ADAMTS17: variants seen among roughly 807,000 people sequenced by gnomAD.
The protein encoded by ADAMTS17 is A disintegrin and metalloproteinase with thrombospondin motifs 17.
In ADAMTS17, 113 loss-of-function variants were observed where a neutral mutation model predicts 141.5. The observed-to-expected ratio is 0.80, with a 90% CI of 0.69 to 0.93. The LOEUF (loss-of-function observed/expected upper bound fraction) is 0.93. Among genes scored for constraint, ADAMTS17 ranks in the 40% least tolerant of loss-of-function variants. The probability of loss-of-function intolerance (pLI) is 0.00; values close to 1 mark genes in which losing one functional copy is unlikely to be tolerated. For missense variants in ADAMTS17, 1,659 were observed against 1,517.9 expected (o/e 1.09, Z -1.54); for synonymous variants, 768 against 630.6 (o/e 1.22, Z -3.27).
intron 7 of ADAMTS17, among the ~76,000 whole-genome samples, chr15:100,249,622 G>A (rs555560313): frequency 5.6e-4 from 86 of 152,288 alleles, no homozygotes; most frequent in African/African-American, 2.0e-3. Context: ...GCTCCCCCAG[G>A]TGCTGCCTGT....
intron 7 of ADAMTS17, among the ~76,000 whole-genome samples, chr15:100,211,418 A>G (rs183887002): frequency 7.9e-5 from 12 of 152,296 alleles, no homozygotes; most frequent in African/African-American, 2.9e-4. Context: ...CTGGGACCAC[A>G]GGTGTCCACA....
chr15:100,232,890 C>A (rs890074771), intron 7 of ADAMTS17, among the ~76,000 whole-genome samples: 1 of 152,238 alleles, frequency 6.6e-6, no homozygotes, highest in African/African-American at 2.4e-5. Flanking sequence ...CCATCTCACA[C>A]TCCACCCCAG....
intron 13 of ADAMTS17, among the ~76,000 whole-genome samples, chr15:100,115,022 T>A (rs899460291): frequency 9.9e-5 from 15 of 152,208 alleles, no homozygotes; most frequent in African/African-American, 1.9e-4. Flanking sequence ...GAGTTGAAAT[T>A]TGAAGAGCGT....
chr15:100,331,642 T>C (rs751106265), intron 2 of ADAMTS17, among the ~76,000 whole-genome samples: 1 of 152,168 alleles, frequency 6.6e-6, no homozygotes, highest in Non-Finnish European at 1.5e-5. Context: ...CACTGATCGA[T>C]GCAGTCAACA....
intron 14 of ADAMTS17, among the ~76,000 whole-genome samples, chr15:100,108,230 G>C (rs1967003): frequency 6.6e-6 from 1 of 151,346 alleles, no homozygotes; most frequent in South Asian, 2.1e-4. Flanking sequence ...GGAAGGCAGT[G>C]GCGTGATCTC....
chr15:100,180,682 C>T (rs1274653666), intron 8 of ADAMTS17, among the ~76,000 whole-genome samples: 1 of 152,028 alleles, frequency 6.6e-6, no homozygotes, highest in Non-Finnish European at 1.5e-5. Context: ...TTTTGAGTCC[C>T]CTTCAATAGC....
intron 18 of ADAMTS17, among the ~76,000 whole-genome samples, chr15:100,021,134 A>G (rs1596246252): frequency 6.6e-6 from 1 of 151,918 alleles, no homozygotes; most frequent in South Asian, 2.1e-4. Flanking sequence ...GGCATAGGGG[A>G]CCCCTGACTC....
intron 19 of ADAMTS17, among the ~76,000 whole-genome samples, chr15:99,995,421 C>T (rs1224379700): frequency 6.6e-6 from 1 of 152,218 alleles, no homozygotes; most frequent in Non-Finnish European, 1.5e-5. Context: ...TCTCCTGAAG[C>T]CTTTGTCTGA....
At chr15:100,275,086 C>T (rs1313859322) in intron 4 of ADAMTS17, among the ~76,000 whole-genome samples, 2 of 152,148 alleles carry the variant, frequency 1.3e-5, no homozygotes. Context: ...GGGTGGGCCT[C>T]ATCAGAGGGA....
chr15:100,132,613 C>T (rs1246624680), intron 11 of ADAMTS17, among the ~76,000 whole-genome samples: 1 of 152,218 alleles, frequency 6.6e-6, no homozygotes, highest in Admixed American at 6.5e-5. Context: ...AAGGCCAGCC[C>T]TATAAAACAA....
intron 18 of ADAMTS17, among the ~76,000 whole-genome samples, chr15:100,014,820 T>A (rs1050331289): frequency 6.6e-6 from 1 of 152,224 alleles, no homozygotes; most frequent in Admixed American, 6.5e-5. Flanking sequence ...AGCTGTTGAA[T>A]AGAATGTGTA....
chr15:100,085,297 A>T, intron 15 of ADAMTS17, among the ~76,000 whole-genome samples: 1 of 151,704 alleles, frequency 6.6e-6, no homozygotes, highest in East Asian at 1.9e-4. Context: ...TAGAGAAAAA[A>T]GAATACAAAG....
intron 7 of ADAMTS17, among the ~76,000 whole-genome samples, chr15:100,230,000 C>A (rs1169567588): frequency 1.3e-5 from 2 of 152,224 alleles, no homozygotes; most frequent in African/African-American, 2.4e-5. Context: ...AGCACATCAA[C>A]TAGCTCCAAC....
At chr15:100,284,474 C>A (rs145862542) in intron 3 of ADAMTS17, among the ~76,000 whole-genome samples, 8 of 152,186 alleles carry the variant, frequency 5.3e-5, no homozygotes, top group South Asian at 2.1e-4. Flanking sequence ...GAGCTTGCCA[C>A]AAAATGAGTG....
At chr15:100,053,846 A>G (rs1416532527) in intron 16 of ADAMTS17, 51 bp downstream of exon 16, 6 of 1,613,668 alleles carry the variant, frequency 3.7e-6, no homozygotes, top group Non-Finnish European at 5.1e-6. Context: ...AACCTAGTAG[A>G]CCTCTCGGAG....
rs141307597 is a variant in ADAMTS17, at chr15:100,115,000, G to C, written c.1888+1847C>G. On this transcript the variant is annotated intron_variant, in intron 13 of 21. Coordinates refer to ENST00000268070, the MANE Select transcript of ADAMTS17 (RefSeq NM_139057.4). ...AGGCAACCAAGGAAAGAACAACTTG[G>C]GGCACAAAGTTGAGTTGAAATTTGA... is the stretch of plus-strand genomic sequence containing the variant. 8.0e-4 allele frequency among the ~76,000 whole-genome samples: 122 copies of C among 152,352 alleles called. 2 individuals carry two copies. The highest frequency in any genetic ancestry group is 6.8e-3 in the Middle Eastern group (2 of 294).
At chr15:100,213,177 C>G (rs2041863092) in intron 7 of ADAMTS17, among the ~76,000 whole-genome samples, 1 of 152,134 alleles carries the variant, frequency 6.6e-6, no homozygotes, top group Non-Finnish European at 1.5e-5. Context: ...TTTATTGTAT[C>G]TTGGTATGTT....
rs7178275 is a variant in ADAMTS17 at position 100,269,119 on chromosome 15, A to T, written c.790-6684T>A. Among the ~76,000 whole-genome samples, 1,490 of 152,352 alleles carry T rather than the reference A, an allele frequency of 9.8e-3. 25 individuals are homozygous for T. The highest frequency in any genetic ancestry group is 0.045 in the Admixed American group (689 of 15,306). ...GGACCCCTATTTTTCACCATATACA[A>T]AAATGAACTCAAGATGGATTAAAGA... On this transcript the variant is annotated intron_variant, in intron 4 of 21. Coordinates refer to ENST00000268070, the MANE Select transcript of ADAMTS17 (RefSeq NM_139057.4).
intron 4 of ADAMTS17, among the ~76,000 whole-genome samples, chr15:100,265,899 T>C (rs2043698704): frequency 6.6e-6 from 1 of 152,210 alleles, no homozygotes; most frequent in Non-Finnish European, 1.5e-5. Flanking sequence ...TCAGAGACCC[T>C]GGGTGTGGGC....
Sources: gnomAD v4.1 joint callset for allele counts (sites outside exome capture counted in the v4.1 genomes callset) on GRCh38, gnomAD v4.1.1 for gene constraint, MANE v1.5 for transcripts, NCBI Gene and HGNC (gene_info 2026-07-23, HGNC 2026-07-21) for gene names.